Variants in MYL1 observed in about 807,000 individuals in gnomAD.
The protein encoded by MYL1 is myosin light chain 1.
In MYL1, 16 loss-of-function variants were observed where a neutral mutation model predicts 21.8. That is an observed-to-expected ratio of 0.74 (90% CI 0.50 to 1.12). MYL1 has a LOEUF of 1.12. MYL1 is among the 50% of genes most tolerant of loss of function. The probability of loss-of-function intolerance (pLI) is 0.00; values close to 1 mark genes in which losing one functional copy is unlikely to be tolerated. For synonymous variants in MYL1, 99 were observed against 85.2 expected (o/e 1.16, Z -0.89); for missense variants, 246 against 241.0 (o/e 1.02, Z -0.14).
intron 2 of MYL1, among the ~76,000 whole-genome samples, chr2:210,299,763 A>T (rs1370961633): frequency 1.3e-5 from 2 of 152,140 alleles, no homozygotes; most frequent in African/African-American, 4.8e-5. Context: ...TGGGAAACCC[A>T]AAAGTACTGC....
At chr2:210,313,513 A>C (rs1043609929) in intron 1 of MYL1, among the ~76,000 whole-genome samples, 1 of 152,014 alleles carries the variant, frequency 6.6e-6, no homozygotes, top group Non-Finnish European at 1.5e-5. Context: ...TGCAGTCCTC[A>C]AGTTAGAAAA....
At chr2:210,302,698 G>C in intron 1 of MYL1, 183 bp from the exon 2 acceptor site, 1 of 1,539,458 alleles carries the variant, frequency 6.5e-7, no homozygotes, top group Non-Finnish European at 8.8e-7. Context: ...ATGCCTTGAA[G>C]ATAAGTAATA....
At chr2:210,312,466 A>C (rs1211806472) in intron 1 of MYL1, among the ~76,000 whole-genome samples, 2 of 151,958 alleles carry the variant, frequency 1.3e-5, no homozygotes, top group African/African-American at 4.8e-5. Flanking sequence ...GATTAAAAAC[A>C]TCATAATATA....
At chr2:210,292,918 GA>G (rs1207783212) in intron 5 of MYL1, among the ~76,000 whole-genome samples, 1 of 152,074 alleles carries the variant, frequency 6.6e-6, no homozygotes, top group Non-Finnish European at 1.5e-5. Flanking sequence ...TGTCGACGGG[GA>G]AAAAAGTGAA....
chr2:210,301,051 C>T (rs773114678), intron 2 of MYL1, among the ~76,000 whole-genome samples: 7 of 152,108 alleles, frequency 4.6e-5, no homozygotes, highest in East Asian at 1.9e-4. Context: ...TAATGCTCAA[C>T]GTTAAATCAT....
Position 210,315,101 on chromosome 2 carries a change from A to T in MYL1, c.-59T>A. ...GGAGTTCCTCCAAAAGAACCTGTCAAAATGATTCTTGGAAGAGGAGTGGTG... is the reference window on the plus strand; with the variant it reads ...GGAGTTCCTCCAAAAGAACCTGTCATAATGATTCTTGGAAGAGGAGTGGTG... On this transcript the variant is annotated 5_prime_UTR_variant, in exon 1 of 7. The change creates a new upstream start codon in the 5' untranslated region. Transcript: ENST00000352451. 6.3e-7 allele frequency: 1 copy of T among 1,576,950 alleles called. No individual in the cohort carries two copies. The highest frequency in any genetic ancestry group is 8.5e-7 in the Non-Finnish European group (1 of 1,170,116).
chr2:210,297,800 C>G (rs1030242871), intron 3 of MYL1, among the ~76,000 whole-genome samples: 1 of 151,594 alleles, frequency 6.6e-6, no homozygotes, highest in Non-Finnish European at 1.5e-5. Context: ...TGACACCCTG[C>G]TTCTGTCCAC....
chr2:210,294,417 C>T lies in MYL1; in HGVS notation c.306G>A (p.Glu102=), dbSNP rs753507577. ...CAAACTCAATTTTCTTGGCATTCAG[C>T]TCTGTAAGAAATTGCAATTTTGAGG... ...RKVLGNPSNE[E]LNAKKIEFEQ... Residue 102 remains glutamate, a splice_region_variant and synonymous_variant, in exon 4 of 7, where the codon GAG becomes GAA. Transcript: ENST00000352451. The T allele has an allele frequency of 3.1e-6, 5 of 1,612,594 alleles. No homozygotes were observed. Among genetic ancestry groups the T allele is most frequent in the Non-Finnish European group, 3.4e-6 (4 of 1,179,256 alleles).
chr2:210,301,810 A>G (rs1690269208), intron 2 of MYL1, among the ~76,000 whole-genome samples: 1 of 152,160 alleles, frequency 6.6e-6, no homozygotes, highest in Non-Finnish European at 1.5e-5. Flanking sequence ...TCTCCTAGCT[A>G]GTAATTGTTT....
chr2:210,295,937 C>G (rs1449372548), intron 3 of MYL1, among the ~76,000 whole-genome samples: 1 of 151,952 alleles, frequency 6.6e-6, no homozygotes, highest in East Asian at 1.9e-4. Context: ...TTGGAAATTT[C>G]CTTCCAAAGA....
intron 5 of MYL1, among the ~76,000 whole-genome samples, chr2:210,291,835 T>C (rs1690080271): frequency 1.3e-5 from 2 of 152,188 alleles, no homozygotes; most frequent in South Asian, 2.1e-4. Flanking sequence ...AATAACCATC[T>C]ATATATGGTC....
chr2:210,303,083 T>C (rs1690288987), intron 1 of MYL1: 2 of 437,490 alleles, frequency 4.6e-6, no homozygotes, highest in African/African-American at 4.0e-5. Flanking sequence ...ATACACGGTG[T>C]TAAAGTACAG....
At chr2:210,311,810 T>G (rs959642800) in intron 1 of MYL1, among the ~76,000 whole-genome samples, 6 of 152,052 alleles carry the variant, frequency 3.9e-5, no homozygotes, top group African/African-American at 1.4e-4. Context: ...TGTTCTGGAT[T>G]ACTGGGAGTA....
intron 1 of MYL1, among the ~76,000 whole-genome samples, chr2:210,304,995 A>T (rs961596260): frequency 6.6e-6 from 1 of 152,252 alleles, no homozygotes; most frequent in Admixed American, 6.5e-5. Flanking sequence ...AAGTTCACAC[A>T]AAATATTTAT....
chr2:210,302,816 A>G lies in MYL1; in HGVS notation c.133-301T>C, dbSNP rs201438713. On this transcript the variant is annotated intron_variant, in intron 1 of 6. Coordinates refer to ENST00000352451, the MANE Select transcript of MYL1 (RefSeq NM_079420.3). ...GACTGCAGTGGCGAAGAAGAGAAAGAAAGAAAAAAAACTAGTACTCTTTCA... is the reference window on the plus strand; with the variant it reads ...GACTGCAGTGGCGAAGAAGAGAAAGGAAGAAAAAAAACTAGTACTCTTTCA... 2,371 of 1,554,190 alleles carry G rather than the reference A, an allele frequency of 1.5e-3. 3 individuals carry two copies. Among genetic ancestry groups the G allele is most frequent in the Non-Finnish European group, 1.9e-3 (2,172 of 1,148,120 alleles).
intron 1 of MYL1, among the ~76,000 whole-genome samples, chr2:210,313,920 T>C (rs1215626490): frequency 6.6e-6 from 1 of 152,088 alleles, no homozygotes; most frequent in Non-Finnish European, 1.5e-5. Flanking sequence ...AGTGAAAAGT[T>C]CACCTCATGG....
chr2:210,299,885 C>T (rs1050715737), intron 2 of MYL1, among the ~76,000 whole-genome samples: 2 of 152,120 alleles, frequency 1.3e-5, no homozygotes, highest in Non-Finnish European at 2.9e-5. Context: ...AAGGTGCTGT[C>T]TAGATAGATT....
At position 210,293,727 on chromosome 2, in the gene MYL1, G is replaced by A. The variant is rs750757172; in HGVS notation, c.552C>T (p.Tyr184=). The A allele has an allele frequency of 1.4e-5, 22 of 1,613,632 alleles. No individual in the cohort carries two copies. The South Asian group carries it at 1.6e-4, about 12-fold the overall frequency. ...GQEDSNGCIN[Y]EAFVKHIMSI Reference sequence around the variant, plus strand: ...ACCAGTGAGCATTGATTCTACCTTCGTAGTTGATGCAGCCATTGGAGTCTT... The same window carrying A: ...ACCAGTGAGCATTGATTCTACCTTCATAGTTGATGCAGCCATTGGAGTCTT... The change falls in exon 5 of 7, where the codon TAC becomes TAT. Residue 184 remains tyrosine (Y), a synonymous_variant. Coordinates refer to ENST00000352451, the MANE Select transcript of MYL1 (RefSeq NM_079420.3).
rs1690299589 is a variant in MYL1, at chr2:210,303,750, A to T, written c.133-1235T>A. On this transcript the variant is annotated intron_variant, in intron 1 of 6. Coordinates refer to ENST00000352451, the MANE Select transcript of MYL1 (RefSeq NM_079420.3). The stretch of plus-strand genomic sequence containing the variant: ...TTTCTTAGGGCAAAGGGAAAGATGG[A>T]TCTGTACCCTGAGAGCTATTTTTAG... 5.9e-6 allele frequency: 3 copies of T among 509,904 alleles called. No homozygotes were observed. In the East Asian group the frequency reaches 1.1e-4, roughly 18 times the overall value. The allele number at this position is 509,904 out of a possible 1,614,324, so 31.6% of individuals were successfully genotyped here. A position where few individuals can be genotyped will look rare whatever the true frequency, so the allele number is the denominator to read the frequency against.
Sources: allele counts gnomAD v4.1 joint callset (sites outside exome capture counted in the v4.1 genomes callset), GRCh38; gene constraint gnomAD v4.1.1; transcripts MANE v1.5; gene names NCBI Gene and HGNC (gene_info 2026-07-23, HGNC 2026-07-21).